Variants in POLR3B observed in about 807,000 individuals in gnomAD.
The protein encoded by POLR3B is RNA polymerase III subunit B, also known as DNA-directed RNA polymerase III subunit RPC2.
A neutral mutation model predicts 147.4 loss-of-function variants in POLR3B; 96 were observed. That is an observed-to-expected ratio of 0.65 (90% CI 0.55 to 0.77). POLR3B has a LOEUF of 0.77. Ranked by LOEUF, POLR3B falls within the 30% of genes least tolerant of loss-of-function variation. POLR3B has a pLI of 0.00. For synonymous variants in POLR3B, 461 were observed against 485.9 expected, an observed-to-expected ratio of 0.95 and a Z score of 0.67; for missense variants, 1,036 against 1,413.5, an observed-to-expected ratio of 0.73 and a Z score of 4.28.
chr12:106,452,775 C>T (rs1438221328), intron 19 of POLR3B, among the ~76,000 whole-genome samples: 2 of 152,062 alleles, frequency 1.3e-5, no homozygotes, highest in Non-Finnish European at 2.9e-5. Flanking sequence ...ATAGTGCAAC[C>T]TTGATAAAGT....
chr12:106,398,869 CA>C (rs1005411284), intron 10 of POLR3B, among the ~76,000 whole-genome samples: 10 of 152,084 alleles, frequency 6.6e-5, no homozygotes, highest in African/African-American at 2.4e-4. Context: ...TAGATGAAAC[CA>C]CAAAGATGGG....
chr12:106,385,114 G>T (rs569337888), intron 9 of POLR3B, among the ~76,000 whole-genome samples: 1 of 152,134 alleles, frequency 6.6e-6, no homozygotes, highest in Non-Finnish European at 1.5e-5. Flanking sequence ...AAGCCACAGC[G>T]CCTGGCCTTA....
chr12:106,425,938 C>A (rs1474781741), intron 12 of POLR3B, among the ~76,000 whole-genome samples: 1 of 152,064 alleles, frequency 6.6e-6, no homozygotes, highest in Non-Finnish European at 1.5e-5. Flanking sequence ...GTTTCTTTTG[C>A]TGAGTATTTG....
chr12:106,502,466 T>C (rs1385419043), intron 26 of POLR3B, among the ~76,000 whole-genome samples: 1 of 152,178 alleles, frequency 6.6e-6, no homozygotes, highest in Non-Finnish European at 1.5e-5. Context: ...TGCCAGTGAA[T>C]GTCAAGAGTG....
chr12:106,372,607 C>A (rs908147243), intron 6 of POLR3B, among the ~76,000 whole-genome samples: 1 of 152,096 alleles, frequency 6.6e-6, no homozygotes, highest in African/African-American at 2.4e-5. Context: ...TCCCAAAGTG[C>A]AGAGATTACA....
intron 20 of POLR3B, 142 bp from the exon 21 acceptor site, chr12:106,456,996 T>C: frequency 1.3e-6 from 1 of 740,794 alleles, no homozygotes; most frequent in Admixed American, 2.0e-5. Flanking sequence ...TTTGTACTGG[T>C]CCCAGATTAT....
intron 6 of POLR3B, among the ~76,000 whole-genome samples, chr12:106,373,900 T>C (rs1291741775): frequency 6.6e-6 from 1 of 152,136 alleles, no homozygotes; most frequent in African/African-American, 2.4e-5. Flanking sequence ...TATATTGGAG[T>C]GTATATCTGT....
At chr12:106,445,231 G>A (rs1211886530) in intron 19 of POLR3B, among the ~76,000 whole-genome samples, 1 of 152,190 alleles carries the variant, frequency 6.6e-6, no homozygotes, top group African/African-American at 2.4e-5. Flanking sequence ...AGAGAGATGA[G>A]GCAGAGCCCT....
intron 18 of POLR3B, among the ~76,000 whole-genome samples, chr12:106,439,746 T>C (rs547430304): frequency 2.0e-5 from 3 of 152,082 alleles, no homozygotes; most frequent in Non-Finnish European, 4.4e-5. Flanking sequence ...AAGTGCTATT[T>C]TATACCCCTC....
At chr12:106,501,976 TGG>T (rs2038609221) in intron 26 of POLR3B, among the ~76,000 whole-genome samples, 1 of 152,204 alleles carries the variant, frequency 6.6e-6, no homozygotes, top group Non-Finnish European at 1.5e-5. Context: ...ACAATGTCTG[TGG>T]GTTAATGAAT....
chr12:106,359,331 A>T (rs926175832), intron 1 of POLR3B, among the ~76,000 whole-genome samples: 43 of 134,904 alleles, frequency 3.2e-4, no homozygotes, highest in Admixed American at 7.6e-4. Context: ...AGGCAAAACT[A>T]TTTTTTTTTT....
At position 106,382,229 on chromosome 12, in the gene POLR3B, C is replaced by T. The variant is rs186412676; in HGVS notation, c.723+2090C>T. Among the ~76,000 whole-genome samples, 56 of 152,316 alleles carry T rather than the reference C, an allele frequency of 3.7e-4. No individual in the cohort carries two copies. In the South Asian group the frequency reaches 9.1e-3, roughly 25 times the overall value. On this transcript the variant is annotated intron_variant, in intron 9 of 27. Coordinates refer to ENST00000228347, the MANE Select transcript of POLR3B (RefSeq NM_018082.6). ...AGAGGGAGTCACTGTGGGTCGAACA[C>T]CTCTGACATATTTTCCCCCTTCCCT...
chr12:106,477,449 G>A (rs1451809086), intron 23 of POLR3B, among the ~76,000 whole-genome samples: 2 of 141,388 alleles, frequency 1.4e-5, no homozygotes, highest in East Asian at 4.0e-4. Context: ...AATGGCGGGC[G>A]CCCCTCCCCC....
intron 20 of POLR3B, 132 bp from the exon 21 acceptor site, chr12:106,457,006 T>C: frequency 1.3e-6 from 1 of 768,842 alleles, no homozygotes; most frequent in Non-Finnish European, 2.3e-6. Context: ...TCCCAGATTA[T>C]TATCAAATAC....
Position 106,459,363 on chromosome 12 carries a change from C to T in POLR3B, c.2565C>T (p.Pro855=), listed in dbSNP as rs751549093. Residue 855 remains proline (P), a synonymous_variant, in exon 22 of 28, where the codon CCC becomes CCT. Coordinates refer to ENST00000228347, the MANE Select transcript of POLR3B (RefSeq NM_018082.6). ...VPQQPQYKDV[P]ITYKGATDSY... is the part of the protein sequence containing the mutation. ...AGCAACCACAGTACAAAGATGTACC[C>T]ATAACGTATGTATTGGTTGTGCCCT... 22 of 1,458,632 alleles carry T rather than the reference C, an allele frequency of 1.5e-5. No homozygotes were observed. Among genetic ancestry groups the T allele is most frequent in the East Asian group, 2.3e-5 (1 of 44,134 alleles). 90.4% of individuals were successfully genotyped at this position (1,458,632 alleles called of 1,614,324 possible).
intron 23 of POLR3B, among the ~76,000 whole-genome samples, chr12:106,466,038 A>G (rs1280080805): frequency 6.6e-6 from 1 of 152,234 alleles, no homozygotes; most frequent in Non-Finnish European, 1.5e-5. Context: ...ACTGTCTTCC[A>G]CAATGACTGA....
chr12:106,457,096 G>A (rs1380606519), intron 20 of POLR3B, 42 bp from the exon 21 acceptor site: 2 of 1,554,972 alleles, frequency 1.3e-6, no homozygotes, highest in Non-Finnish European at 1.8e-6. Flanking sequence ...TTATAGCTTT[G>A]GGTTACTGGT....
chr12:106,446,456 T>C (rs2037726624), intron 19 of POLR3B: 1 of 338,508 alleles, frequency 3.0e-6, no homozygotes, highest in South Asian at 2.5e-5. Flanking sequence ...ACCCTTTATA[T>C]GTGGCAATGA....
At chr12:106,395,038 T>C (rs1420452509) in intron 10 of POLR3B, among the ~76,000 whole-genome samples, 1 of 152,202 alleles carries the variant, frequency 6.6e-6, no homozygotes, top group Admixed American at 6.5e-5. Context: ...CGAATCAGCC[T>C]GGACCACATG....
Sources: gnomAD v4.1 joint callset for allele counts (sites outside exome capture counted in the v4.1 genomes callset) on GRCh38, gnomAD v4.1.1 for gene constraint, MANE v1.5 for transcripts, NCBI Gene and HGNC (gene_info 2026-07-23, HGNC 2026-07-21) for gene names.